Variants in OSER1 observed in about 807,000 individuals in gnomAD.
OSER1 encodes the protein oxidative stress-responsive serine-rich protein 1.
In OSER1, 15 loss-of-function variants were observed where a neutral mutation model predicts 26.3. That is an observed-to-expected ratio of 0.57 (90% CI 0.38 to 0.88). The LOEUF is 0.88. OSER1 is among the 40% of genes least tolerant of loss of function. OSER1 has a pLI of 0.00. For missense variants in OSER1, 313 were observed against 353.9 expected, an observed-to-expected ratio of 0.88 and a Z score of 0.93; for synonymous variants, 127 against 128.2, an observed-to-expected ratio of 0.99 and a Z score of 0.07.
chr20:44,197,564 T>C lies in OSER1; in HGVS notation c.367A>G (p.Ile123Val). ...DSPDGSSGLGISSPKEFSAGE... is the reference protein window; with the variant it reads ...DSPDGSSGLGVSSPKEFSAGE... ...GCACTGAACTCTTTAGGGGATGAAA[T>C]TCCCAGCCCACTGCTGCCATCAGGT... Residue 123 changes from isoleucine to valine, a missense_variant, in exon 4 of 4, where the codon ATT becomes GTT. Ile to Val is a conservative substitution (Grantham distance 29). This residue lies in a region of OSER1 where 300 missense variants were observed against 318.3 expected (regional missense o/e 0.94). Transcript: ENST00000255174. 6.2e-7 allele frequency: 1 copy of C among 1,614,148 alleles called. No individual in the cohort carries two copies. The highest frequency in any genetic ancestry group is 8.5e-7 in the Non-Finnish European group (1 of 1,179,996).
chr20:44,197,748 GA>G lies in OSER1; in HGVS notation c.192-10del, dbSNP rs781639706. 7.4e-5 allele frequency: 115 copies of G among 1,564,290 alleles called. No individual in the cohort carries two copies. Among genetic ancestry groups the G allele is most frequent in the East Asian group, 9.1e-5 (4 of 44,156 alleles). On this transcript the variant is annotated splice_polypyrimidine_tract_variant and intron_variant, in intron 3 of 3. Transcript: ENST00000255174. The stretch of plus-strand genomic sequence containing the variant: ...AAGACTTCCTTGTAGACCTAAAGAG[GA>G]AAAAAAATATACAAGAAGATGTTGG...
intron 1 of OSER1, among the ~76,000 whole-genome samples, chr20:44,210,297 G>A (rs570994817): frequency 6.6e-6 from 1 of 152,328 alleles, no homozygotes; most frequent in African/African-American, 2.4e-5. Context: ...AGGCACAAGG[G>A]ATGCGGGAGA....
At position 44,196,940 on chromosome 20, in the gene OSER1, A is replaced by G; in HGVS notation, c.*112T>C. ...CAAGAAAAGTTTTTATTGCAAGCAC[A>G]GTGAGCAGAAAGAGATGTCTTCTCA... On this transcript the variant is annotated 3_prime_UTR_variant, in exon 4 of 4. Transcript: ENST00000255174. 1.4e-6 allele frequency: 1 copy of G among 723,674 alleles called. No individual in the cohort carries two copies. Among genetic ancestry groups the G allele is most frequent in the East Asian group, 2.5e-5 (1 of 40,010 alleles). The allele number at this position is 723,674 out of a possible 1,614,324, so 44.8% of individuals were successfully genotyped here.
intron 2 of OSER1, among the ~76,000 whole-genome samples, chr20:44,203,425 AAACTT>A: frequency 6.6e-6 from 1 of 152,236 alleles, no homozygotes; most frequent in East Asian, 1.9e-4. Flanking sequence ...TCATGGAACT[AAACTT>A]AGTTTAGGAG....
rs560200942 is a variant in OSER1, at chr20:44,197,018, A to G, written c.*34T>C. 3 of 1,464,032 alleles carry G rather than the reference A, an allele frequency of 2.0e-6. No homozygotes were observed. The South Asian group carries it at 3.5e-5, about 17-fold the overall frequency. The allele number at this position is 1,464,032 out of a possible 1,614,324, so 90.7% of individuals were successfully genotyped here. A position where few individuals can be genotyped will look rare whatever the true frequency, so the allele number is the denominator to read the frequency against. Reference sequence around the variant, plus strand: ...AACTAAATCTCTTTGACAAGCCTTCATTGGTTTAAAGCATATGAATTAGCT... The same window carrying G: ...AACTAAATCTCTTTGACAAGCCTTCGTTGGTTTAAAGCATATGAATTAGCT... On this transcript the variant is annotated 3_prime_UTR_variant, in exon 4 of 4. Transcript: ENST00000255174.
intron 1 of OSER1, among the ~76,000 whole-genome samples, chr20:44,209,763 T>C (rs2073078834): frequency 6.6e-6 from 1 of 152,214 alleles, no homozygotes; most frequent in Non-Finnish European, 1.5e-5. Flanking sequence ...TATTTACATC[T>C]TGCCGTTTTA....
Position 44,197,105 on chromosome 20 carries a change from A to C in OSER1, c.826T>G (p.Tyr276Asp). Residue 276 changes from tyrosine to aspartate, a missense_variant, in exon 4 of 4, where the codon TAC becomes GAC. By Grantham distance (160) the Tyr-to-Asp change is radical (BLOSUM62 -3). Around this residue, in one of 2 missense-constraint regions of OSER1, gnomAD observed 13 missense variants for 35.6 expected, o/e 0.37. Coordinates refer to ENST00000255174, the MANE Select transcript of OSER1 (RefSeq NM_016470.8). The part of the protein sequence containing the change: ...IEDLSGYMEY[Y>D]LYIPKKMSHM... ...GACATTTTCTTGGGAATATACAAGT[A>C]ATACTCCATGTAGCCTGACAGGTCC... 1 of 1,613,844 alleles carries C rather than the reference A, an allele frequency of 6.2e-7. No individual in the cohort carries two copies. The highest frequency in any genetic ancestry group is 8.5e-7 in the Non-Finnish European group (1 of 1,179,696).
At position 44,205,650 on chromosome 20, in the gene OSER1, G is replaced by C. The variant is rs143386555; in HGVS notation, c.77+1231C>G. ...ACCACATAAAGGATGGTTAAGAGCA[G>C]AGGTTCTGGGCCAGACGCAGTGGCT... On this transcript the variant is annotated intron_variant, in intron 2 of 3. Coordinates refer to ENST00000255174, the MANE Select transcript of OSER1 (RefSeq NM_016470.8). 3.0e-3 allele frequency among the ~76,000 whole-genome samples: 459 copies of C among 152,248 alleles called. 1 individual carries two copies. The highest frequency in any genetic ancestry group is 0.011 in the African/African-American group (448 of 41,546).
At chr20:44,207,721 CTAAAGA>C (rs1012253955) in intron 1 of OSER1, 2 of 152,118 alleles carry the variant, frequency 1.3e-5, no homozygotes, top group African/African-American at 4.8e-5. Context: ...TCTCTTTAGC[CTAAAGA>C]AAGGTTGAAA....
intron 2 of OSER1, 127 bp from the exon 3 acceptor site, chr20:44,203,201 G>A (rs1600494546): frequency 3.7e-6 from 2 of 542,284 alleles, no homozygotes; most frequent in East Asian, 6.0e-5. Flanking sequence ...CTCAAAAATT[G>A]CTCAGCTTTT....
intron 3 of OSER1, among the ~76,000 whole-genome samples, chr20:44,199,190 C>A (rs762415123): frequency 1.2e-4 from 18 of 152,102 alleles, no homozygotes; most frequent in Non-Finnish European, 2.2e-4. Flanking sequence ...CAACTTGGTC[C>A]CGAATGCATC....
chr20:44,196,294 CA>C lies in OSER1; in HGVS notation c.*757del, dbSNP rs56251501. Among the ~76,000 whole-genome samples, 16,056 of 100,326 alleles carry C rather than the reference CA, an allele frequency of 0.16. 925 individuals are homozygous for C. The highest frequency in any genetic ancestry group is 0.21 in the South Asian group (589 of 2,850). The allele number at this position is 100,326 out of a possible 152,430, so 65.8% of individuals were successfully genotyped here. On this transcript the variant is annotated 3_prime_UTR_variant, in exon 4 of 4. Transcript: ENST00000255174. ...ATGAGACCTGTATTACAACTGATAACAAAAAAAAAAAAAAAAAACCGCCATA... is the reference window on the plus strand; with the variant it reads ...ATGAGACCTGTATTACAACTGATAACAAAAAAAAAAAAAAAAACCGCCATA...
Position 44,206,985 on chromosome 20 carries a change from T to G in OSER1, c.-28A>C. 2 of 1,562,288 alleles carry G rather than the reference T, an allele frequency of 1.3e-6. No individual in the cohort carries two copies. Among genetic ancestry groups the G allele is most frequent in the Middle Eastern group, 1.7e-4 (1 of 5,958 alleles). On this transcript the variant is annotated 5_prime_UTR_variant, in exon 2 of 4. Transcript: ENST00000255174. ...TGCAAGTTTTTACACTACTTATCGA[T>G]GTTCCTGTTTACACTAAAAAAGAAA...
chr20:44,196,590 C>T lies in OSER1; in HGVS notation c.*462G>A, dbSNP rs41282014. The T allele has an allele frequency of 6.3e-3, 1,001 of 159,944 alleles. 9 individuals are homozygous for T. The highest frequency in any genetic ancestry group is 9.4e-3 in the Non-Finnish European group (676 of 72,072). The allele number at this position is 159,944 out of a possible 1,614,324, so 9.9% of individuals were successfully genotyped here. On this transcript the variant is annotated 3_prime_UTR_variant, in exon 4 of 4. Coordinates refer to ENST00000255174, the MANE Select transcript of OSER1 (RefSeq NM_016470.8). ...AGAAACCTTTATAGACACAATATAT[C>T]TTGCATTAAATCAGAGACGGTTTAA...
intron 1 of OSER1, among the ~76,000 whole-genome samples, chr20:44,208,371 G>A (rs2073060186): frequency 1.3e-5 from 2 of 150,512 alleles, no homozygotes. Context: ...AGGTATTTTA[G>A]GCAGAGCTCT....
chr20:44,204,760 A>G (rs1032465647), intron 2 of OSER1, among the ~76,000 whole-genome samples: 1 of 152,214 alleles, frequency 6.6e-6, no homozygotes, highest in African/African-American at 2.4e-5. Context: ...TTACAAATAC[A>G]TAATTTTTGA....
At chr20:44,200,922 A>C (rs1277933460) in intron 3 of OSER1, among the ~76,000 whole-genome samples, 1 of 152,252 alleles carries the variant, frequency 6.6e-6, no homozygotes, top group Non-Finnish European at 1.5e-5. Context: ...ACCTAATTTA[A>C]GTGCTAAGAG....
At chr20:44,206,398 A>G (rs1271754058) in intron 2 of OSER1, among the ~76,000 whole-genome samples, 1 of 152,212 alleles carries the variant, frequency 6.6e-6, no homozygotes, top group Non-Finnish European at 1.5e-5. Flanking sequence ...TAGTTTGGCC[A>G]AAGGGTCCAA....
intron 2 of OSER1, 100 bp downstream of exon 2, chr20:44,206,778 CAAT>C: frequency 1.6e-6 from 1 of 610,472 alleles, no homozygotes; most frequent in Non-Finnish European, 3.0e-6. Context: ...TATCTTCTTT[CAAT>C]AATGAGAAAT....
Sources: gnomAD v4.1 joint callset for allele counts (sites outside exome capture counted in the v4.1 genomes callset) on GRCh38, gnomAD v4.1.1 for gene constraint, gnomAD v4.1.1 regional missense constraint, MANE v1.5 for transcripts, NCBI Gene and HGNC (gene_info 2026-07-23, HGNC 2026-07-21) for gene names.